TUSC3: variants seen among roughly 807,000 people sequenced by gnomAD.
TUSC3 encodes dolichyl-diphosphooligosaccharide--protein glycosyltransferase subunit TUSC3.
A neutral mutation model predicts 44.8 loss-of-function variants in TUSC3; 45 were observed. That is an observed-to-expected ratio of 1.00 (90% CI 0.79 to 1.29). The LOEUF is 1.29. TUSC3 is among the 50% of genes most tolerant of loss of function. TUSC3 has a pLI of 0.00. For missense variants in TUSC3, 519 were observed against 437.9 expected (o/e 1.19, Z -1.65); for synonymous variants, 212 against 152.9 (o/e 1.39, Z -2.85).
intron 6 of TUSC3, among the ~76,000 whole-genome samples, chr8:15,701,266 A>G (rs1809393081): frequency 6.6e-6 from 1 of 152,134 alleles, no homozygotes; most frequent in South Asian, 2.1e-4. Flanking sequence ...TATATCTGCC[A>G]TTCCTCATAG....
chr8:15,418,751 A>T (rs1447389279), intron 1 of TUSC3, among the ~76,000 whole-genome samples: 4 of 152,198 alleles, frequency 2.6e-5, no homozygotes, highest in Non-Finnish European at 4.4e-5. Flanking sequence ...CATGCCTGTA[A>T]CCTCAGCATT....
chr8:15,785,966 T>A, the TUSC3 span, among the ~76,000 whole-genome samples: 1 of 152,214 alleles, frequency 6.6e-6, no homozygotes, highest in African/African-American at 2.4e-5. Context: ...TTAAATGTAT[T>A]ATATGAAAGG....
chr8:15,824,649 C>T, the TUSC3 span, among the ~76,000 whole-genome samples: 1 of 152,002 alleles, frequency 6.6e-6, no homozygotes, highest in Non-Finnish European at 1.5e-5. Flanking sequence ...AGGAGATATA[C>T]CTAATGTTAA....
At chr8:15,447,846 C>T (rs981029983) in intron 1 of TUSC3, among the ~76,000 whole-genome samples, 18 of 151,570 alleles carry the variant, frequency 1.2e-4, no homozygotes, top group African/African-American at 4.1e-4. Flanking sequence ...CCCATAAAAA[C>T]AGAGACTCCC....
chr8:15,730,878 T>C, intron 7 of TUSC3, 149 bp downstream of exon 7: 4 of 710,638 alleles, frequency 5.6e-6, no homozygotes, highest in Non-Finnish European at 7.1e-6. Context: ...TTTTTTATGC[T>C]AATTATTTCC....
intron 2 of TUSC3, among the ~76,000 whole-genome samples, chr8:15,648,198 C>A (rs1012610062): frequency 6.6e-6 from 1 of 152,154 alleles, no homozygotes; most frequent in Non-Finnish European, 1.5e-5. Flanking sequence ...TTTTATTCGA[C>A]TCTGTCTTCT....
intron 2 of TUSC3, among the ~76,000 whole-genome samples, chr8:15,511,897 A>T (rs1454519159): frequency 2.6e-5 from 4 of 151,922 alleles, no homozygotes; most frequent in African/African-American, 9.7e-5. Flanking sequence ...AAATGAATGG[A>T]GCATGGATCA....
At chr8:15,523,690 GTGTGTGTGTGTGTGTGTGTA>G (rs1585075369) in intron 2 of TUSC3, among the ~76,000 whole-genome samples, 1 of 50,964 alleles carries the variant, frequency 2.0e-5, no homozygotes, top group Non-Finnish European at 4.1e-5. Flanking sequence ...GTGTGTGTGT[GTGTGTGTGTGTGTGTGTGTA>G]TATATATATA....
chr8:15,748,970 A>T, intron 9 of TUSC3: 1 of 345,758 alleles, frequency 2.9e-6, no homozygotes, highest in South Asian at 2.3e-5. Context: ...TTCACCAACA[A>T]ATATATTGAA....
chr8:15,642,986 C>CATACGGGGA (rs1806450054), intron 2 of TUSC3, among the ~76,000 whole-genome samples: 1 of 151,996 alleles, frequency 6.6e-6, no homozygotes, highest in Non-Finnish European at 1.5e-5. Flanking sequence ...TTGACTGTGT[C>CATACGGGGA]CCCACACAAA....
chr8:15,453,048 T>C (rs1800214652), intron 1 of TUSC3, among the ~76,000 whole-genome samples: 1 of 152,154 alleles, frequency 6.6e-6, no homozygotes, highest in African/African-American at 2.4e-5. Context: ...CTAGAAACAG[T>C]ATCTAGGATT....
intron 6 of TUSC3, among the ~76,000 whole-genome samples, chr8:15,703,656 G>A (rs1809496788): frequency 6.6e-6 from 1 of 152,056 alleles, no homozygotes; most frequent in Non-Finnish European, 1.5e-5. Flanking sequence ...CAAAGTTATG[G>A]GGAGCCAGCA....
intron 1 of TUSC3, among the ~76,000 whole-genome samples, chr8:15,472,366 T>C: frequency 6.6e-6 from 1 of 152,224 alleles, no homozygotes; most frequent in Non-Finnish European, 1.5e-5. Flanking sequence ...AACTTTTCTA[T>C]CTAGAAAGTT....
chr8:15,521,602 A>T (rs567968778), intron 2 of TUSC3, among the ~76,000 whole-genome samples: 1 of 146,820 alleles, frequency 6.8e-6, no homozygotes, highest in South Asian at 2.1e-4. Flanking sequence ...AACACAAACG[A>T]TAGGTAATTA....
At chr8:15,822,325 T>A in the TUSC3 span, among the ~76,000 whole-genome samples, 529 of 152,210 alleles carry the variant, frequency 3.5e-3, 21 homozygotes, top group East Asian at 0.09. Context: ...CTACATATTT[T>A]AAAAAAATAG....
At chr8:15,834,692 G>C in the TUSC3 span, among the ~76,000 whole-genome samples, 1 of 151,912 alleles carries the variant, frequency 6.6e-6, no homozygotes, top group Non-Finnish European at 1.5e-5. Context: ...GTCTTATTGA[G>C]TTAATTCATT....
At position 15,689,224 on chromosome 8, in the gene TUSC3, A is replaced by G. The variant is rs534853220; in HGVS notation, c.798+15388A>G. 1.4e-4 allele frequency: 49 copies of G among 349,914 alleles called. No individual in the cohort carries two copies. In the East Asian group the frequency reaches 4.3e-3, roughly 31 times the overall value. 21.7% of individuals were successfully genotyped at this position (349,914 alleles called of 1,614,324 possible). A position where few individuals can be genotyped will look rare whatever the true frequency, so the allele number is the denominator to read the frequency against. Reference sequence around the variant, plus strand: ...AAGCATTCCATTTTCTCTTCTTTGCATCTGCATATATTTTCAGGCTGGATG... The same window carrying G: ...AAGCATTCCATTTTCTCTTCTTTGCGTCTGCATATATTTTCAGGCTGGATG... On this transcript the variant is annotated intron_variant, in intron 6 of 10. Coordinates refer to ENST00000503731, the MANE Select transcript of TUSC3 (RefSeq NM_006765.4).
chr8:15,798,591 T>C, the TUSC3 span, among the ~76,000 whole-genome samples: 1 of 152,040 alleles, frequency 6.6e-6, no homozygotes, highest in Non-Finnish European at 1.5e-5. Flanking sequence ...GCGGCAGCTT[T>C]GGTTCAACCA....
At chr8:15,849,360 A>G in the TUSC3 span, among the ~76,000 whole-genome samples, 1 of 152,212 alleles carries the variant, frequency 6.6e-6, no homozygotes, top group African/African-American at 2.4e-5. Flanking sequence ...TTGCACAGAC[A>G]CAAACTTGAT....
Sources: gnomAD v4.1 joint callset for allele counts (sites outside exome capture counted in the v4.1 genomes callset) on GRCh38, gnomAD v4.1.1 for gene constraint, MANE v1.5 for transcripts, NCBI Gene and HGNC (gene_info 2026-07-23, HGNC 2026-07-21) for gene names.